Variants in SV2C observed in about 807,000 individuals in gnomAD.
The protein encoded by SV2C is synaptic vesicle glycoprotein 2C, also known as solute carrier family 22 member B3.
Under a neutral mutation model 79.7 loss-of-function variants are expected in SV2C, and 49 were observed. That is an observed-to-expected ratio of 0.61 (90% CI 0.49 to 0.78). The LOEUF (loss-of-function observed/expected upper bound fraction) is 0.78, where lower values mean the gene tolerates loss of function less well. Ranked by LOEUF, SV2C falls within the 30% of genes least tolerant of loss-of-function variation. The pLI, the probability that SV2C is intolerant of heterozygous loss-of-function variation, is 0.00. For missense variants in SV2C, 833 were observed against 912.9 expected, an observed-to-expected ratio of 0.91 and a Z score of 1.13; for synonymous variants, 334 against 333.2, an observed-to-expected ratio of 1.00 and a Z score of -0.03.
rs928589686 is a variant in SV2C, at chr5:76,150,755, A to G, written c.580+18425A>G. On this transcript the variant is annotated intron_variant, in intron 2 of 12. Coordinates refer to ENST00000502798, the MANE Select transcript of SV2C (RefSeq NM_014979.4). ...TGGGCTCAAGTGATCCTCCCACCTC[A>G]GCCTCCTGAGTAGCTGGGACCACAG... Among the ~76,000 whole-genome samples the G allele has an allele frequency of 2.1e-5, 3 of 142,576 alleles. No individual in the cohort carries two copies. The Admixed American group carries it at 2.3e-4, about 11-fold the overall frequency. The allele number at this position is 142,576 out of a possible 152,430, so 93.5% of individuals were successfully genotyped here.
At chr5:76,106,715 C>T (rs1747929425) in intron 1 of SV2C, among the ~76,000 whole-genome samples, 1 of 152,162 alleles carries the variant, frequency 6.6e-6, no homozygotes. Context: ...TTCTTTAAGT[C>T]ATTGCCTGAA....
intron 4 of SV2C, among the ~76,000 whole-genome samples, chr5:76,229,009 GTCAAACAT>G (rs2112394264): frequency 6.6e-6 from 1 of 152,308 alleles, no homozygotes; most frequent in Admixed American, 6.5e-5. Context: ...CCAGCTTTCT[GTCAAACAT>G]TCCTCAAGTT....
At chr5:76,088,628 G>T (rs1475650176) in intron 1 of SV2C, among the ~76,000 whole-genome samples, 3 of 152,202 alleles carry the variant, frequency 2.0e-5, no homozygotes, top group African/African-American at 7.2e-5. Context: ...TGGGGAGTAA[G>T]TTCCAACATA....
At chr5:76,167,896 A>G (rs1743092351) in intron 2 of SV2C, among the ~76,000 whole-genome samples, 1 of 152,228 alleles carries the variant, frequency 6.6e-6, no homozygotes, top group Non-Finnish European at 1.5e-5. Context: ...GATACAGGAA[A>G]GTCAGGAGCT....
At chr5:76,184,806 C>T (rs1376365430) in intron 2 of SV2C, among the ~76,000 whole-genome samples, 2 of 152,192 alleles carry the variant, frequency 1.3e-5, no homozygotes, top group Non-Finnish European at 2.9e-5. Context: ...CAAAGCATAT[C>T]ATTCTACCCC....
At chr5:76,345,191 A>G (rs1007098805) in intron 12 of SV2C, among the ~76,000 whole-genome samples, 3 of 152,246 alleles carry the variant, frequency 2.0e-5, no homozygotes, top group African/African-American at 7.2e-5. Context: ...CCAGTTCTCA[A>G]CTAGGCACCA....
chr5:76,021,388 A>G, the SV2C span, among the ~76,000 whole-genome samples: 1 of 152,220 alleles, frequency 6.6e-6, no homozygotes, highest in African/African-American at 2.4e-5. Context: ...GACAAAACAA[A>G]TGAATGTTTA....
At chr5:76,323,062 A>G (rs757796613) in intron 12 of SV2C, among the ~76,000 whole-genome samples, 1 of 152,226 alleles carries the variant, frequency 6.6e-6, no homozygotes, top group Non-Finnish European at 1.5e-5. Context: ...AAAGATCTTC[A>G]GCACAGCAAA....
At chr5:76,313,990 A>G (rs1187398236) in intron 12 of SV2C, among the ~76,000 whole-genome samples, 1 of 152,158 alleles carries the variant, frequency 6.6e-6, no homozygotes, top group Admixed American at 6.5e-5. Flanking sequence ...ATTAGAGACA[A>G]TTTATCTATC....
chr5:76,334,828 G>A (rs1297605371), downstream of SV2C, among the ~76,000 whole-genome samples: 1 of 152,130 alleles, frequency 6.6e-6, no homozygotes, highest in African/African-American at 2.4e-5. Context: ...CTAATCAAGA[G>A]TCACCTCTCC....
At chr5:76,052,640 G>A in the SV2C span, among the ~76,000 whole-genome samples, 468 of 152,306 alleles carry the variant, frequency 3.1e-3, 1 homozygote, top group Middle Eastern at 6.8e-3. Context: ...CACATGGCCT[G>A]TGCCCAACAC....
intron 4 of SV2C, among the ~76,000 whole-genome samples, chr5:76,262,263 C>T (rs1376516586): frequency 1.3e-5 from 2 of 152,160 alleles, no homozygotes; most frequent in African/African-American, 4.8e-5. Context: ...GTTTGTATTT[C>T]TGTGGGATCA....
chr5:76,011,561 CA>C, the SV2C span, among the ~76,000 whole-genome samples: 1 of 152,032 alleles, frequency 6.6e-6, no homozygotes. Context: ...ATTCTGAAGT[CA>C]AATTAATAGA....
chr5:76,317,658 C>T (rs1174537663), intron 12 of SV2C, among the ~76,000 whole-genome samples: 1 of 152,052 alleles, frequency 6.6e-6, no homozygotes, highest in African/African-American at 2.4e-5. Context: ...AGTGGGTACC[C>T]CATCTCTACA....
chr5:76,119,706 A>G (rs1028902481), intron 1 of SV2C, among the ~76,000 whole-genome samples: 1 of 150,392 alleles, frequency 6.6e-6, no homozygotes, highest in Non-Finnish European at 1.5e-5. Flanking sequence ...CCCTATAGGG[A>G]AAAAAAAACA....
chr5:76,147,348 G>A (rs1749469402), intron 2 of SV2C, among the ~76,000 whole-genome samples: 1 of 152,140 alleles, frequency 6.6e-6, no homozygotes, highest in African/African-American at 2.4e-5. Context: ...CCTGGGACTG[G>A]CAGTACATCC....
chr5:76,018,995 C>T, the SV2C span, among the ~76,000 whole-genome samples: 1 of 152,192 alleles, frequency 6.6e-6, no homozygotes, highest in African/African-American at 2.4e-5. Flanking sequence ...CAATAGGGAT[C>T]CTTTTGAGTG....
At chr5:76,106,418 A>C (rs1440252791) in intron 1 of SV2C, among the ~76,000 whole-genome samples, 1 of 152,210 alleles carries the variant, frequency 6.6e-6, no homozygotes, top group Non-Finnish European at 1.5e-5. Flanking sequence ...TCTTAAAAGA[A>C]GTCAGATCAT....
At chr5:76,111,292 T>G (rs2112139639) in intron 1 of SV2C, among the ~76,000 whole-genome samples, 1 of 152,296 alleles carries the variant, frequency 6.6e-6, no homozygotes, top group African/African-American at 2.4e-5. Context: ...GTTTCTTCAC[T>G]AACTCTTTCT....
Sources: allele counts gnomAD v4.1 joint callset (sites outside exome capture counted in the v4.1 genomes callset), GRCh38; gene constraint gnomAD v4.1.1; transcripts MANE v1.5; gene names NCBI Gene and HGNC (gene_info 2026-07-23, HGNC 2026-07-21).